TRPM1: variants seen among roughly 807,000 people sequenced by gnomAD.
TRPM1 encodes TRPM1-203 APA Isoform, Intron 10.
A neutral mutation model predicts 149.4 loss-of-function variants in TRPM1; 113 were observed. The ratio of observed to expected loss-of-function variants is 0.76; its 90% CI spans 0.65 to 0.88. TRPM1 has a LOEUF of 0.88. Among genes scored for constraint, TRPM1 ranks in the 40% least tolerant of loss-of-function variants. The pLI, the probability that TRPM1 is intolerant of heterozygous loss-of-function variation, is 0.00. For missense variants in TRPM1, 1,976 were observed against 2,038.7 expected (o/e 0.97, Z 0.59); for synonymous variants, 741 against 759.5 (o/e 0.98, Z 0.40).
chr15:31,028,535 C>T (rs949088594), intron 24 of TRPM1, 59 bp from the exon 25 acceptor site: 3 of 1,568,698 alleles, frequency 1.9e-6, no homozygotes, highest in Non-Finnish European at 2.6e-6. Flanking sequence ...GGATAAATAT[C>T]TCTTACATAT....
rs190610863 is a variant in TRPM1 at position 31,119,399 on chromosome 15, G to C, written c.54+41507C>G. Among the ~76,000 whole-genome samples the C allele has an allele frequency of 9.5e-4, 145 of 152,222 alleles. 1 individual carries two copies. Among genetic ancestry groups the C allele is most frequent in the Middle Eastern group, 3.4e-3 (1 of 294 alleles). ...GAAACAAACCAACAACCTAGATTCT[G>C]TATCCAGAGAAATTATCCTTCAGAT... On this transcript the variant is annotated intron_variant, in intron 1 of 26. Coordinates refer to the TRPM1 transcript ENST00000542188.
At chr15:31,072,119 C>T (rs1478069764) in intron 3 of TRPM1, among the ~76,000 whole-genome samples, 6 of 149,932 alleles carry the variant, frequency 4.0e-5, no homozygotes, top group Non-Finnish European at 7.4e-5. Context: ...ACATTTTCAT[C>T]ACCTCAAAAA....
chr15:31,104,868 A>G (rs1209336519), upstream of TRPM1, among the ~76,000 whole-genome samples: 1 of 152,086 alleles, frequency 6.6e-6, no homozygotes, highest in African/African-American at 2.4e-5. Flanking sequence ...TGCTGGGATT[A>G]CAGGTGTGAG....
At chr15:31,028,918 T>C (rs1364214857) in intron 24 of TRPM1, among the ~76,000 whole-genome samples, 1 of 152,234 alleles carries the variant, frequency 6.6e-6, no homozygotes, top group African/African-American at 2.4e-5. Flanking sequence ...CTTTATGTTT[T>C]TTCCCTTTAT....
At position 31,022,246 on chromosome 15, in the gene TRPM1, A is replaced by G. The variant is rs185688140; in HGVS notation, c.3629+3893T>C. On this transcript the variant is annotated intron_variant, in intron 27 of 27. Transcript: ENST00000256552. ...GTGCAGAAGACACAGATAGCCTCAA[A>G]TCTCCCAATGATAAGGACTCATGTT... 6.6e-5 allele frequency among the ~76,000 whole-genome samples: 10 copies of G among 152,324 alleles called. No individual in the cohort carries two copies. In the East Asian group the frequency reaches 1.7e-3, roughly 26 times the overall value.
intron 1 of TRPM1, among the ~76,000 whole-genome samples, chr15:31,159,578 G>A (rs1002480007): frequency 1.3e-5 from 2 of 152,150 alleles, no homozygotes; most frequent in Admixed American, 6.5e-5. Flanking sequence ...AGATATATGC[G>A]CCTGTCCCCC....
At chr15:31,083,343 A>T (rs888408152) in intron 1 of TRPM1, among the ~76,000 whole-genome samples, 1 of 152,188 alleles carries the variant, frequency 6.6e-6, no homozygotes, top group African/African-American at 2.4e-5. Flanking sequence ...TGAAAACTAC[A>T]TTTAGCTGCC....
In TRPM1 at chr15:31,035,694, T is replaced by A; in HGVS notation, c.2572-20A>T. On this transcript the variant is annotated intron_variant, in intron 20 of 27. Coordinates refer to ENST00000256552, the MANE Select transcript of TRPM1 (RefSeq NM_001252024.2). ...TGATATCTGAAAGAAAGACAAGCTG[T>A]TAGCCGTGTTTGGGGGAATCACATA... The A allele has an allele frequency of 6.2e-7, 1 of 1,614,158 alleles. No homozygotes were observed. Among genetic ancestry groups the A allele is most frequent in the Non-Finnish European group, 8.5e-7 (1 of 1,180,016 alleles).
chr15:31,042,910 T>C (rs1299725280), intron 16 of TRPM1, among the ~76,000 whole-genome samples: 1 of 152,206 alleles, frequency 6.6e-6, no homozygotes, highest in Non-Finnish European at 1.5e-5. Context: ...AATATGTGGG[T>C]CTCAGACTAC....
intron 18 of TRPM1, 57 bp from the exon 19 acceptor site, chr15:31,038,223 A>G (rs2033489980): frequency 6.3e-7 from 1 of 1,596,588 alleles, no homozygotes; most frequent in Non-Finnish European, 8.5e-7. Flanking sequence ...ATGTCCCAGC[A>G]TAGTTAAAAT....
chr15:31,037,922 G>GA (rs2033470474), intron 19 of TRPM1, 80 bp from the exon 20 acceptor site: 1 of 1,612,260 alleles, frequency 6.2e-7, no homozygotes, highest in Admixed American at 1.7e-5. Flanking sequence ...GGCACCATTA[G>GA]AAAAACACAA....
rs2031855640 is a variant in TRPM1, at chr15:31,003,082, A to C, written c.3630-12T>G. 1 of 1,594,714 alleles carries C rather than the reference A, an allele frequency of 6.3e-7. No homozygotes were observed. The highest frequency in any genetic ancestry group is 8.5e-7 in the Non-Finnish European group (1 of 1,171,984). On this transcript the variant is annotated splice_polypyrimidine_tract_variant and intron_variant, in intron 27 of 27. Transcript: ENST00000256552. The stretch of plus-strand genomic sequence containing the variant: ...ACATATTTTCAACTCTGGTGAATAT[A>C]AAGGGATAGATTTATTAAACTGAGA...
At chr15:31,123,990 C>CT (rs1220280855) in intron 1 of TRPM1, among the ~76,000 whole-genome samples, 1 of 152,178 alleles carries the variant, frequency 6.6e-6, no homozygotes, top group Non-Finnish European at 1.5e-5. Context: ...GAGCATTATT[C>CT]AGTGCTAAAA....
At chr15:31,091,873 A>G (rs960861609) in intron 1 of TRPM1, among the ~76,000 whole-genome samples, 2 of 152,224 alleles carry the variant, frequency 1.3e-5, no homozygotes, top group South Asian at 4.1e-4. Context: ...TCAAAAGTTC[A>G]GTGGGGCCTT....
intron 1 of TRPM1, among the ~76,000 whole-genome samples, chr15:31,091,173 C>T (rs77575911): frequency 0.023 from 3,479 of 152,192 alleles, 60 homozygotes; most frequent in Non-Finnish European, 0.033. Context: ...AAGCAGCAGG[C>T]CAGTGGGATG....
At chr15:31,112,851 C>T (rs973267783) in intron 1 of TRPM1, among the ~76,000 whole-genome samples, 3 of 152,188 alleles carry the variant, frequency 2.0e-5, no homozygotes, top group Non-Finnish European at 2.9e-5. Context: ...ACAAAGAACC[C>T]CCTTTTCTTT....
chr15:31,143,505 TC>T (rs539147693), intron 1 of TRPM1, among the ~76,000 whole-genome samples: 79 of 152,268 alleles, frequency 5.2e-4, no homozygotes, highest in African/African-American at 1.9e-3. Context: ...CACTGTAACC[TC>T]TGCCTCCAAG....
chr15:31,126,910 T>C (rs1051622437), intron 1 of TRPM1, among the ~76,000 whole-genome samples: 2 of 152,132 alleles, frequency 1.3e-5, no homozygotes, highest in African/African-American at 4.8e-5. Flanking sequence ...GAGGTTGCAG[T>C]GAGCTGAGAT....
chr15:31,048,043 A>T, intron 13 of TRPM1, 104 bp from the exon 14 acceptor site: 2 of 932,304 alleles, frequency 2.1e-6, no homozygotes, highest in Non-Finnish European at 3.5e-6. Flanking sequence ...CAGGCAGATC[A>T]CTTGAGGTCA....
Sources: gnomAD v4.1 joint callset for allele counts (sites outside exome capture counted in the v4.1 genomes callset) on GRCh38, gnomAD v4.1.1 for gene constraint, MANE v1.5 for transcripts, NCBI Gene and HGNC (gene_info 2026-07-23, HGNC 2026-07-21) for gene names.